Variants in SGCZ observed in about 807,000 individuals in gnomAD.
SGCZ encodes zeta-sarcoglycan.
Under a neutral mutation model 41.3 loss-of-function variants are expected in SGCZ, and 40 were observed. That is an observed-to-expected ratio of 0.97 (90% CI 0.75 to 1.26). The LOEUF is 1.26. Ranked by LOEUF, SGCZ falls within the 50% of genes most tolerant of loss-of-function variation. The pLI, the probability that SGCZ is intolerant of heterozygous loss-of-function variation, is 0.00. For synonymous variants in SGCZ, 206 were observed against 137.5 expected (o/e 1.50, Z -3.49); for missense variants, 552 against 369.8 (o/e 1.49, Z -4.04).
intron 3 of SGCZ, among the ~76,000 whole-genome samples, chr8:14,283,661 A>G (rs1266506020): frequency 6.6e-6 from 1 of 152,220 alleles, no homozygotes; most frequent in Non-Finnish European, 1.5e-5. Flanking sequence ...CAAGATTTTG[A>G]ACATTGCAGA....
At chr8:14,954,874 G>A (rs974850900) in intron 1 of SGCZ, among the ~76,000 whole-genome samples, 1 of 152,172 alleles carries the variant, frequency 6.6e-6, no homozygotes, top group Non-Finnish European at 1.5e-5. Context: ...GTCATTGTTT[G>A]TGATGATTTG....
chr8:14,201,424 G>C (rs758493418), intron 4 of SGCZ, among the ~76,000 whole-genome samples: 4 of 152,120 alleles, frequency 2.6e-5, no homozygotes, highest in African/African-American at 9.7e-5. Context: ...GTACATCCAT[G>C]CAACAGAATA....
At chr8:15,065,461 T>G (rs1354204156) in intron 1 of SGCZ, among the ~76,000 whole-genome samples, 1 of 120,528 alleles carries the variant, frequency 8.3e-6, no homozygotes, top group African/African-American at 2.9e-5. Flanking sequence ...TATTATTATT[T>G]TGAGTCAAGG....
chr8:14,741,866 C>A (rs1239101300), intron 1 of SGCZ, among the ~76,000 whole-genome samples: 1 of 151,182 alleles, frequency 6.6e-6, no homozygotes, highest in East Asian at 2.0e-4. Flanking sequence ...ATATCAACTT[C>A]TCTTTTAATA....
intron 2 of SGCZ, among the ~76,000 whole-genome samples, chr8:14,408,387 A>G (rs1324807186): frequency 6.6e-6 from 1 of 152,060 alleles, no homozygotes; most frequent in Non-Finnish European, 1.5e-5. Flanking sequence ...GGAGTTTTCT[A>G]CACTTATTTC....
intron 1 of SGCZ, among the ~76,000 whole-genome samples, chr8:14,950,296 C>T (rs983325767): frequency 1.3e-5 from 2 of 151,982 alleles, no homozygotes; most frequent in Non-Finnish European, 2.9e-5. Context: ...TTGCCAAGCA[C>T]ATGTATAATG....
At chr8:14,153,105 A>G (rs528629895) in intron 5 of SGCZ, among the ~76,000 whole-genome samples, 2 of 152,310 alleles carry the variant, frequency 1.3e-5, no homozygotes, top group South Asian at 2.1e-4. Context: ...AACTGGATCA[A>G]TGTCAGCATC....
In SGCZ at chr8:14,724,370, G is replaced by T. The variant is rs553957550; in HGVS notation, c.40-169444C>A. Among the ~76,000 whole-genome samples, 166 of 151,834 alleles carry T rather than the reference G, an allele frequency of 1.1e-3. 2 individuals carry two copies. Among genetic ancestry groups the T allele is most frequent in the South Asian group, 2.7e-3 (13 of 4,812 alleles). On this transcript the variant is annotated intron_variant, in intron 1 of 7. Coordinates refer to ENST00000382080, the MANE Select transcript of SGCZ (RefSeq NM_139167.4). ...CTATTTCTATTGTGAAGTCTTTTAA[G>T]TATAAAAATTCAGAGAGAATAACAT...
intron 1 of SGCZ, among the ~76,000 whole-genome samples, chr8:14,759,032 A>G (rs1043065836): frequency 1.3e-5 from 2 of 150,526 alleles, no homozygotes; most frequent in Admixed American, 6.6e-5. Context: ...AAAATTCTTT[A>G]CAGTCAAATT....
intron 1 of SGCZ, among the ~76,000 whole-genome samples, chr8:14,739,484 A>G (rs1235504634): frequency 6.6e-6 from 1 of 152,096 alleles, no homozygotes; most frequent in Non-Finnish European, 1.5e-5. Flanking sequence ...CCATTTTGGA[A>G]TATAGAGTTT....
At chr8:15,103,258 AGGCATGATGGCGCATGCCT>A (rs1806682048) in intron 1 of SGCZ, among the ~76,000 whole-genome samples, 2 of 152,006 alleles carry the variant, frequency 1.3e-5, no homozygotes, top group African/African-American at 4.8e-5. Context: ...AAAATTAGCA[AGGCATGATGGCGCATGCCT>A]GTATACCCAG....
At chr8:14,735,218 T>C (rs1798990971) in intron 1 of SGCZ, among the ~76,000 whole-genome samples, 2 of 152,112 alleles carry the variant, frequency 1.3e-5, no homozygotes. Flanking sequence ...CTTGATTGGA[T>C]TAAAGGATGC....
intron 2 of SGCZ, among the ~76,000 whole-genome samples, chr8:14,456,686 C>T (rs1420652180): frequency 6.6e-6 from 1 of 152,092 alleles, no homozygotes; most frequent in African/African-American, 2.4e-5. Flanking sequence ...CTGTATCGCA[C>T]TTTTCTGAAT....
At chr8:14,458,655 C>G (rs1800816163) in intron 2 of SGCZ, among the ~76,000 whole-genome samples, 2 of 152,126 alleles carry the variant, frequency 1.3e-5, no homozygotes, top group African/African-American at 4.8e-5. Context: ...GGACTAGGAT[C>G]TCTATCTAGC....
chr8:14,676,271 A>G (rs62493126), intron 1 of SGCZ, among the ~76,000 whole-genome samples: 85,813 of 151,940 alleles, frequency 0.56, 25,762 homozygotes, highest in East Asian at 0.76. Flanking sequence ...CAATGCAGAA[A>G]GATCTCTTAA....
chr8:14,253,573 T>C (rs955105682), intron 3 of SGCZ, among the ~76,000 whole-genome samples: 1 of 152,082 alleles, frequency 6.6e-6, no homozygotes, highest in African/African-American at 2.4e-5. Flanking sequence ...TATATCTGTA[T>C]CCATATATCT....
At chr8:14,564,206 A>G (rs1196982533) in intron 1 of SGCZ, among the ~76,000 whole-genome samples, 1 of 152,212 alleles carries the variant, frequency 6.6e-6, no homozygotes, top group African/African-American at 2.4e-5. Flanking sequence ...CATCCTTGTG[A>G]CCATGCAAAT....
chr8:15,112,472 G>T (rs1479717772), intron 1 of SGCZ, among the ~76,000 whole-genome samples: 3 of 152,198 alleles, frequency 2.0e-5, no homozygotes, highest in African/African-American at 7.2e-5. Context: ...GTTTGCAGTG[G>T]TTTAAAAACA....
intron 1 of SGCZ, among the ~76,000 whole-genome samples, chr8:14,646,010 A>C (rs1807202318): frequency 9.7e-6 from 1 of 103,110 alleles, no homozygotes; most frequent in African/African-American, 3.3e-5. Flanking sequence ...AATCTTGAAC[A>C]AATTAAAGTA....
Sources: allele counts gnomAD v4.1 joint callset (sites outside exome capture counted in the v4.1 genomes callset), GRCh38; gene constraint gnomAD v4.1.1; transcripts MANE v1.5; gene names NCBI Gene and HGNC (gene_info 2026-07-23, HGNC 2026-07-21).